Variants in AOAH observed in about 807,000 individuals in gnomAD.
AOAH encodes the protein acyloxyacyl hydrolase, also known as acyloxyacyl hydrolase (neutrophil).
Under a neutral mutation model 92.2 loss-of-function variants are expected in AOAH, and 64 were observed. The ratio of observed to expected loss-of-function variants is 0.69; its 90% CI spans 0.57 to 0.86. The LOEUF is 0.86. Among genes scored for constraint, AOAH ranks in the 40% least tolerant of loss-of-function variants. The pLI is 0.00. For missense variants in AOAH, 656 were observed against 694.6 expected (o/e 0.94, Z 0.62); for synonymous variants, 263 against 254.5 (o/e 1.03, Z -0.32).
At chr7:36,683,635 C>T (rs954083392) in intron 2 of AOAH, among the ~76,000 whole-genome samples, 8 of 152,004 alleles carry the variant, frequency 5.3e-5, no homozygotes, top group African/African-American at 1.7e-4. Context: ...CTATCAATCC[C>T]TTTGTGCTTG....
At chr7:36,684,906 CAAAAAAAAAAAAAAAAAAAAA>C (rs57827044) in intron 2 of AOAH, among the ~76,000 whole-genome samples, 2 of 59,988 alleles carry the variant, frequency 3.3e-5, no homozygotes, top group Non-Finnish European at 5.7e-5. Context: ...GACCTTGTCT[CAAAAAAAAAAAAAAAAAAAAA>C]AAAAAAAAAA....
intron 13 of AOAH, among the ~76,000 whole-genome samples, chr7:36,554,304 T>C (rs1341411726): frequency 2.6e-5 from 4 of 152,116 alleles, no homozygotes; most frequent in Non-Finnish European, 4.4e-5. Context: ...AGATATGCGG[T>C]GTTATTTCTG....
At chr7:36,534,188 G>A (rs1784870361) in intron 16 of AOAH, among the ~76,000 whole-genome samples, 1 of 151,834 alleles carries the variant, frequency 6.6e-6, no homozygotes, top group Non-Finnish European at 1.5e-5. Flanking sequence ...GGGGATGAAG[G>A]CCCACCCTGG....
intron 11 of AOAH, among the ~76,000 whole-genome samples, chr7:36,596,224 C>G (rs1378696252): frequency 7.1e-6 from 1 of 140,338 alleles, no homozygotes. Context: ...CCACGGTTAA[C>G]AGTTTGTGTC....
At chr7:36,593,242 A>G (rs1789874040) in intron 12 of AOAH, among the ~76,000 whole-genome samples, 1 of 152,264 alleles carries the variant, frequency 6.6e-6, no homozygotes, top group Admixed American at 6.5e-5. Context: ...GGACACCTGT[A>G]ACATCTGTGC....
chr7:36,552,408 T>C (rs116085906), intron 13 of AOAH, among the ~76,000 whole-genome samples: 1 of 152,190 alleles, frequency 6.6e-6, no homozygotes, highest in Non-Finnish European at 1.5e-5. Context: ...CTATCATCAA[T>C]GGGTATTTGG....
chr7:36,719,672 T>C (rs1799491332), intron 1 of AOAH, among the ~76,000 whole-genome samples: 1 of 152,156 alleles, frequency 6.6e-6, no homozygotes, highest in Non-Finnish European at 1.5e-5. Flanking sequence ...GGCTCATGCT[T>C]ATAATCCCAG....
chr7:36,694,916 T>C (rs1332893529), intron 1 of AOAH, among the ~76,000 whole-genome samples: 2 of 149,540 alleles, frequency 1.3e-5, no homozygotes, highest in Non-Finnish European at 3.0e-5. Flanking sequence ...GGAATGGATA[T>C]ATAGGTAAAT....
chr7:36,520,688 A>G (rs987132661), intron 20 of AOAH, among the ~76,000 whole-genome samples: 3 of 145,306 alleles, frequency 2.1e-5, no homozygotes, highest in Non-Finnish European at 4.5e-5. Context: ...CGGGGCAACA[A>G]GAGTGAAACT....
At chr7:36,585,758 C>T (rs888380790) in intron 12 of AOAH, among the ~76,000 whole-genome samples, 5 of 152,064 alleles carry the variant, frequency 3.3e-5, no homozygotes, top group African/African-American at 1.2e-4. Flanking sequence ...TCTTCATGTA[C>T]AAATGAAAAT....
chr7:36,517,924 C>A (rs2115757004), intron 20 of AOAH, among the ~76,000 whole-genome samples: 1 of 45,594 alleles, frequency 2.2e-5, no homozygotes, highest in South Asian at 7.9e-4. Flanking sequence ...TGAACACACA[C>A]ACACACCCAC....
intron 1 of AOAH, among the ~76,000 whole-genome samples, chr7:36,721,101 C>T (rs1038293643): frequency 6.6e-6 from 1 of 152,294 alleles, no homozygotes; most frequent in East Asian, 1.9e-4. Context: ...AGGAGACACT[C>T]GCTCCCCAGC....
rs554100872 is a variant in AOAH at position 36,685,780 on chromosome 7, T to G, written c.223+919A>C. Among the ~76,000 whole-genome samples the G allele has an allele frequency of 6.5e-4, 99 of 152,286 alleles. 3 individuals are homozygous for G. Among genetic ancestry groups the G allele is most frequent in the Admixed American group, 6.5e-3 (99 of 15,286 alleles). On this transcript the variant is annotated intron_variant, in intron 2 of 20. Transcript: ENST00000617537. Reference sequence around the variant, plus strand: ...TGTGAATATTTTAAAATCTTAATGGTCCATTTGGGACATTCTAAACACTTG... The same window carrying G: ...TGTGAATATTTTAAAATCTTAATGGGCCATTTGGGACATTCTAAACACTTG...
intron 3 of AOAH, among the ~76,000 whole-genome samples, chr7:36,661,731 T>A (rs914304321): frequency 6.6e-6 from 1 of 152,148 alleles, no homozygotes; most frequent in Non-Finnish European, 1.5e-5. Context: ...TGGGTTAGAA[T>A]TGGAGTGCAT....
At chr7:36,654,976 C>T (rs1004541971) in intron 4 of AOAH, among the ~76,000 whole-genome samples, 7 of 152,324 alleles carry the variant, frequency 4.6e-5, no homozygotes, top group South Asian at 2.1e-4. Flanking sequence ...AATGAGATCA[C>T]GCACGTTAAG....
At chr7:36,616,537 G>A (rs1432724314) in intron 10 of AOAH, 63 bp from the exon 11 acceptor site, 3 of 1,391,128 alleles carry the variant, frequency 2.2e-6, no homozygotes, top group East Asian at 4.7e-5. Context: ...TCCAGACTGG[G>A]TAGATATAAG....
chr7:36,533,240 G>A (rs1227171179), intron 16 of AOAH, among the ~76,000 whole-genome samples: 2 of 151,974 alleles, frequency 1.3e-5, no homozygotes, highest in African/African-American at 2.4e-5. Flanking sequence ...CCCAAATCTC[G>A]GGGGTGAATG....
chr7:36,714,547 TC>T (rs1173106867), intron 1 of AOAH, among the ~76,000 whole-genome samples: 1 of 152,056 alleles, frequency 6.6e-6, no homozygotes, highest in Non-Finnish European at 1.5e-5. Context: ...TAGACCAATA[TC>T]CCTGATGAAC....
chr7:36,637,375 A>C (rs73687595), intron 5 of AOAH, among the ~76,000 whole-genome samples: 2 of 152,254 alleles, frequency 1.3e-5, no homozygotes, highest in South Asian at 4.1e-4. Flanking sequence ...ACCGTGCTTA[A>C]GGTCACATTT....
Sources: allele counts gnomAD v4.1 joint callset (sites outside exome capture counted in the v4.1 genomes callset), GRCh38; gene constraint gnomAD v4.1.1; transcripts MANE v1.5; gene names NCBI Gene and HGNC (gene_info 2026-07-23, HGNC 2026-07-21).